The following CDH6 variants were observed in gnomAD, a reference collection of about 807,000 sequenced individuals.
CDH6 encodes the protein cadherin 6, also known as cadherin-6.
Under a neutral mutation model 78.0 loss-of-function variants are expected in CDH6, and 31 were observed. The ratio of observed to expected loss-of-function variants is 0.40; its 90% CI spans 0.30 to 0.54. The LOEUF is 0.54. Ranked by LOEUF, CDH6 falls within the 20% of genes least tolerant of loss-of-function variation. The pLI is 0.56. For synonymous variants in CDH6, 376 were observed against 368.8 expected, an observed-to-expected ratio of 1.02 and a Z score of -0.23; for missense variants, 724 against 975.9, an observed-to-expected ratio of 0.74 and a Z score of 3.44.
chr5:31,247,020 G>T (rs1406380829), intron 1 of CDH6, among the ~76,000 whole-genome samples: 1 of 152,182 alleles, frequency 6.6e-6, no homozygotes, highest in Non-Finnish European at 1.5e-5. Context: ...CAAAGTGTTG[G>T]GATTACAGGC....
rs750696655 is a variant in CDH6, at chr5:31,326,680, A to ATTTTTTTTTTTTTTTTTTTTTTTTT, written c.*3372_*3373insTTTTTTTTTTTTTTTTTTTTTTTTT. On this transcript the variant is annotated 3_prime_UTR_variant, in exon 12 of 12. Transcript: ENST00000265071. ...CAAAGAGTTGTGCAGAAAATCTTAA[A>ATTTTTTTTTTTTTTTTTTTTTTTTT]ATTTTTTTTTTTTTTTTTTTTTTTT... The ATTTTTTTTTTTTTTTTTTTTTTTTT allele has an allele frequency of 5.4e-5, 7 of 130,318 alleles. 3 individuals are homozygous for ATTTTTTTTTTTTTTTTTTTTTTTTT. Among genetic ancestry groups the ATTTTTTTTTTTTTTTTTTTTTTTTT allele is most frequent in the Non-Finnish European group, 3.2e-5 (2 of 61,680 alleles). 8.1% of individuals were successfully genotyped at this position (130,318 alleles called of 1,614,324 possible).
At chr5:31,270,452 C>G (rs1243848151) in intron 2 of CDH6, among the ~76,000 whole-genome samples, 1 of 152,182 alleles carries the variant, frequency 6.6e-6, no homozygotes, top group Non-Finnish European at 1.5e-5. Flanking sequence ...GAGCACAGCA[C>G]AATTTCTCAA....
chr5:31,205,937 T>C (rs1292260869), intron 1 of CDH6, among the ~76,000 whole-genome samples: 1 of 152,194 alleles, frequency 6.6e-6, no homozygotes, highest in Non-Finnish European at 1.5e-5. Context: ...TTCAAGTAAA[T>C]ACTGTCAATC....
At chr5:31,306,461 C>T (rs945671065) in intron 7 of CDH6, among the ~76,000 whole-genome samples, 2 of 152,144 alleles carry the variant, frequency 1.3e-5, no homozygotes, top group Admixed American at 6.5e-5. Flanking sequence ...CAGCCAGTAG[C>T]TTAGTTGACT....
intron 2 of CDH6, among the ~76,000 whole-genome samples, chr5:31,282,680 T>C (rs533755472): frequency 3.3e-5 from 5 of 152,274 alleles, no homozygotes; most frequent in Non-Finnish European, 7.4e-5. Flanking sequence ...CTATTATCAC[T>C]CTAAAGTTTT....
intron 1 of CDH6, among the ~76,000 whole-genome samples, chr5:31,202,504 G>T (rs1012915931): frequency 6.6e-6 from 1 of 151,926 alleles, no homozygotes; most frequent in Non-Finnish European, 1.5e-5. Context: ...AGATATGGTG[G>T]CAGGCACCTA....
chr5:31,229,340 T>C (rs1741249585), intron 1 of CDH6, among the ~76,000 whole-genome samples: 1 of 152,214 alleles, frequency 6.6e-6, no homozygotes. Context: ...AATTAAATGT[T>C]TGGCCAAAAT....
chr5:31,267,414 G>T lies in CDH6; in HGVS notation c.-60G>T. On this transcript the variant is annotated 5_prime_UTR_variant, in exon 2 of 12. It removes the in-frame stop codon of an upstream open reading frame in the 5' UTR. Transcript: ENST00000265071. ...GGAATGAGGCTGGATACGGTGCAGT[G>T]AAAAAGGCACTTCCAAGAGTGGGGC... The T allele has an allele frequency of 7.8e-7, 1 of 1,288,424 alleles. No homozygotes were observed. The highest frequency in any genetic ancestry group is 1.7e-5 in the Admixed American group (1 of 58,354). The allele number at this position is 1,288,424 out of a possible 1,614,324, so 79.8% of individuals were successfully genotyped here. A position where few individuals can be genotyped will look rare whatever the true frequency, so the allele number is the denominator to read the frequency against.
Position 31,302,281 on chromosome 5 carries a change from A to T in CDH6, c.982A>T (p.Ile328Phe). The T allele has an allele frequency of 6.2e-7, 1 of 1,612,044 alleles. No individual in the cohort carries two copies. The highest frequency in any genetic ancestry group is 8.5e-7 in the Non-Finnish European group (1 of 1,178,352). ...CACCGACCAGGAAACCCAGGAAGGG[A>T]TTATAACTGTCAAAAAGGTAATGCC... ...VITDQETQEG[I>F]ITVKKLLDFE... The change falls in exon 6 of 12, where the codon ATT becomes TTT. Residue 328 changes from isoleucine (I) to phenylalanine (F), a missense_variant. Ile to Phe is a conservative substitution (Grantham distance 21, BLOSUM62 0). Transcript: ENST00000265071.
At chr5:31,205,210 A>G (rs1740482187) in intron 1 of CDH6, among the ~76,000 whole-genome samples, 1 of 152,218 alleles carries the variant, frequency 6.6e-6, no homozygotes, top group Non-Finnish European at 1.5e-5. Context: ...TCTCTTAAAT[A>G]TTTTTACAAC....
rs147206603 is a variant in CDH6 at position 31,201,204 on chromosome 5, G to C, written c.-129+7318G>C. The stretch of plus-strand genomic sequence containing the variant: ...ACTTGCGGTGAAGATAAGGATGTAG[G>C]CTTCTTTAAGAATTTTGTGTGTTCC... On this transcript the variant is annotated intron_variant, in intron 1 of 11. Coordinates refer to ENST00000265071, the MANE Select transcript of CDH6 (RefSeq NM_004932.4). Among the ~76,000 whole-genome samples the C allele has an allele frequency of 2.7e-3, 415 of 152,210 alleles. 1 individual carries two copies. The highest frequency in any genetic ancestry group is 9.7e-3 in the African/African-American group (403 of 41,544).
At position 31,198,182 on chromosome 5, in the gene CDH6, A is replaced by G. The variant is rs549981185; in HGVS notation, c.-129+4296A>G. ...TCAACTCTTCCAACAAAGAAAAGTT[A>G]TTGAAGGCTGAATGCTCTGAGCACA... On this transcript the variant is annotated intron_variant, in intron 1 of 11. Transcript: ENST00000265071. 5.9e-5 allele frequency among the ~76,000 whole-genome samples: 9 copies of G among 152,328 alleles called. No individual in the cohort carries two copies. In the East Asian group the frequency reaches 1.3e-3, roughly 23 times the overall value.
chr5:31,278,973 A>G (rs1742779551), intron 2 of CDH6, among the ~76,000 whole-genome samples: 1 of 152,126 alleles, frequency 6.6e-6, no homozygotes, highest in Non-Finnish European at 1.5e-5. Flanking sequence ...TCATTTCCTT[A>G]TTATTCTAGA....
At chr5:31,239,211 G>C (rs1007565619) in intron 1 of CDH6, among the ~76,000 whole-genome samples, 2 of 152,202 alleles carry the variant, frequency 1.3e-5, no homozygotes, top group African/African-American at 4.8e-5. Context: ...AAAGTCCCTA[G>C]AGGATATTGT....
At chr5:31,212,501 C>T (rs564143583) in intron 1 of CDH6, among the ~76,000 whole-genome samples, 64 of 152,150 alleles carry the variant, frequency 4.2e-4, no homozygotes, top group Non-Finnish European at 7.9e-4. Context: ...TTCAGAATTC[C>T]TCAGAGCCTC....
At chr5:31,201,345 G>C (rs1740343600) in intron 1 of CDH6, among the ~76,000 whole-genome samples, 1 of 152,092 alleles carries the variant, frequency 6.6e-6, no homozygotes, top group Non-Finnish European at 1.5e-5. Flanking sequence ...GTAATGGATT[G>C]ATGGCAGTTT....
rs1160180405 is a variant in CDH6, at chr5:31,292,822, CATATATATAT to C, written c.229-1125_229-1116del. Reference sequence around the variant, plus strand: ...GTGTGTGCATATATATATATGTGTGCATATATATATATATATATATATATGTGTGCATATA... The same window carrying C: ...GTGTGTGCATATATATATATGTGTGCATATATATATATATGTGTGCATATA... On this transcript the variant is annotated intron_variant, in intron 2 of 11. Transcript: ENST00000265071. 6.0e-5 allele frequency among the ~76,000 whole-genome samples: 3 copies of C among 49,948 alleles called. No individual in the cohort carries two copies. The South Asian group carries it at 1.8e-3, about 30-fold the overall frequency. The allele number at this position is 49,948 out of a possible 152,430, so 32.8% of individuals were successfully genotyped here. A position where few individuals can be genotyped will look rare whatever the true frequency, so the allele number is the denominator to read the frequency against.
rs1280871227 is a variant in CDH6 at position 31,323,971 on chromosome 5, A to T, written c.*663A>T. ...AACCTAGTACGACTTCATTCCTTCC[A>T]CTAACTCATAGTTTGTTATATCCTA... On this transcript the variant is annotated 3_prime_UTR_variant, in exon 12 of 12. Coordinates refer to ENST00000265071, the MANE Select transcript of CDH6 (RefSeq NM_004932.4). The T allele has an allele frequency of 4.4e-6, 1 of 227,982 alleles. No individual in the cohort carries two copies. The highest frequency in any genetic ancestry group is 8.7e-6 in the Non-Finnish European group (1 of 114,864). The allele number at this position is 227,982 out of a possible 1,614,324, so 14.1% of individuals were successfully genotyped here. A position where few individuals can be genotyped will look rare whatever the true frequency, so the allele number is the denominator to read the frequency against.
At chr5:31,237,591 C>A (rs760816961) in intron 1 of CDH6, among the ~76,000 whole-genome samples, 1 of 152,120 alleles carries the variant, frequency 6.6e-6, no homozygotes, top group Non-Finnish European at 1.5e-5. Flanking sequence ...GATAGGTTGA[C>A]CCCCAGACAA....
Sources: allele counts gnomAD v4.1 joint callset (sites outside exome capture counted in the v4.1 genomes callset), GRCh38; gene constraint gnomAD v4.1.1; transcripts MANE v1.5; gene names NCBI Gene and HGNC (gene_info 2026-07-23, HGNC 2026-07-21).